Variants in TFAP2B observed in about 807,000 individuals in gnomAD.
TFAP2B encodes the protein transcription factor AP-2 beta, also known as transcription factor AP-2-beta.
TFAP2B carries 9 observed loss-of-function variants against 44.3 expected under a neutral mutation model. The observed-to-expected ratio is 0.20, with a 90% confidence interval of 0.12 to 0.35. The LOEUF is 0.35. Ranked by LOEUF, TFAP2B falls within the 10% of genes least tolerant of loss-of-function variation. TFAP2B has a pLI of 1.00. For missense variants in TFAP2B, 509 were observed against 600.0 expected (o/e 0.85, Z 1.59); for synonymous variants, 270 against 263.8 (o/e 1.02, Z -0.23).
At chr6:50,818,816 TC>T, upstream of TFAP2B, 1 of 1,362,986 alleles carries the variant, frequency 7.3e-7, no homozygotes. Flanking sequence ...TTGGTGTGTA[TC>T]CCCCATTTCC....
chr6:50,835,477 G>T (rs1284136683), intron 3 of TFAP2B, among the ~76,000 whole-genome samples: 1 of 152,156 alleles, frequency 6.6e-6, no homozygotes, highest in East Asian at 1.9e-4. Flanking sequence ...CAGCTCAATG[G>T]TATTATTTGT....
intron 1 of TFAP2B, among the ~76,000 whole-genome samples, chr6:50,820,579 G>A (rs1359648739): frequency 6.6e-6 from 1 of 152,260 alleles, no homozygotes; most frequent in African/African-American, 2.4e-5. Flanking sequence ...TGTATCGACT[G>A]TAACGAAGAG....
At chr6:50,835,833 G>A (rs987566206) in intron 3 of TFAP2B, among the ~76,000 whole-genome samples, 1 of 152,200 alleles carries the variant, frequency 6.6e-6, no homozygotes, top group Non-Finnish European at 1.5e-5. Flanking sequence ...TGTAGCAAAT[G>A]ACACTCATAT....
At chr6:50,822,751 C>A (rs979921893) in intron 1 of TFAP2B, among the ~76,000 whole-genome samples, 1 of 152,182 alleles carries the variant, frequency 6.6e-6, no homozygotes, top group African/African-American at 2.4e-5. Context: ...AGATCCATTT[C>A]AATGAAACAC....
At position 50,818,965 on chromosome 6, in the gene TFAP2B, T is replaced by C; in HGVS notation, c.74T>C (p.Ile25Thr). Residue 25 changes from isoleucine to threonine, a missense_variant, in exon 1 of 7, where the codon ATC (isoleucine) becomes ACC (threonine). This residue lies in a region of TFAP2B where 296 missense variants were observed against 308.2 expected (regional missense o/e 0.96). Transcript: ENST00000393655. The part of the protein sequence containing the change: ...KLVENVKYED[I>T]YEDRHDGVPS... ...GTGGAGAATGTCAAGTACGAAGATATCTATGAGGTGAGTCGACACCCCCAG... is the reference window on the plus strand; with the variant it reads ...GTGGAGAATGTCAAGTACGAAGATACCTATGAGGTGAGTCGACACCCCCAG... The C allele has an allele frequency of 1.2e-6, 2 of 1,614,084 alleles. No individual in the cohort carries two copies. Among genetic ancestry groups the C allele is most frequent in the East Asian group, 2.2e-5 (1 of 44,876 alleles).
At chr6:50,822,984 G>GA (rs1439234465) in intron 1 of TFAP2B, among the ~76,000 whole-genome samples, 2 of 152,238 alleles carry the variant, frequency 1.3e-5, no homozygotes, top group African/African-American at 2.4e-5. Flanking sequence ...GGAAGAGTTA[G>GA]AAAAAAGTAG....
intron 2 of TFAP2B, 152 bp downstream of exon 2, chr6:50,824,017 T>G: frequency 2.3e-6 from 2 of 873,230 alleles, no homozygotes; most frequent in South Asian, 3.0e-5. Flanking sequence ...TAGAACTGTT[T>G]ATGTGTGTCT....
chr6:50,822,288 T>G, intron 1 of TFAP2B: 6 of 804,458 alleles, frequency 7.5e-6, no homozygotes, highest in Non-Finnish European at 1.1e-5. Context: ...TGAGCGCCTT[T>G]GGCTTGGTAA....
chr6:50,828,514 A>T (rs937974913), intron 2 of TFAP2B, 105 bp from the exon 3 acceptor site: 2 of 939,572 alleles, frequency 2.1e-6, no homozygotes, highest in African/African-American at 3.3e-5. Flanking sequence ...TTTGTGAATT[A>T]ATATAAATGG....
chr6:50,827,946 T>C (rs190139088), intron 2 of TFAP2B, among the ~76,000 whole-genome samples: 129 of 152,338 alleles, frequency 8.5e-4, no homozygotes, highest in African/African-American at 3.0e-3. Flanking sequence ...TCTGCTTGTC[T>C]GTAGTTACTG....
intron 2 of TFAP2B, among the ~76,000 whole-genome samples, chr6:50,825,489 T>G (rs1399849276): frequency 6.6e-6 from 1 of 152,118 alleles, no homozygotes; most frequent in African/African-American, 2.4e-5. Flanking sequence ...ACTCAGAAAT[T>G]TTTCCCCCAA....
At chr6:50,833,789 C>G (rs1762564599) in intron 3 of TFAP2B, among the ~76,000 whole-genome samples, 2 of 152,036 alleles carry the variant, frequency 1.3e-5, no homozygotes, top group Admixed American at 1.3e-4. Flanking sequence ...CAGGGAGAAG[C>G]AGGTAAGATT....
Position 50,846,606 on chromosome 6 carries a change from A to T in TFAP2B, c.*3214A>T, listed in dbSNP as rs1348708025. ...ACTTTCCACTTCGCAAGTTCTTTTA[A>T]AGGTTCCAAAGATCTCCAGACCATT... On this transcript the variant is annotated 3_prime_UTR_variant, in exon 7 of 7. Coordinates refer to ENST00000393655, the MANE Select transcript of TFAP2B (RefSeq NM_003221.4). The T allele has an allele frequency of 6.6e-6, 1 of 152,154 alleles. No individual in the cohort carries two copies. Among genetic ancestry groups the T allele is most frequent in the East Asian group, 1.9e-4 (1 of 5,178 alleles). 9.4% of individuals were successfully genotyped at this position (152,154 alleles called of 1,614,324 possible).
chr6:50,828,729 C>T lies in TFAP2B; in HGVS notation c.601+50C>T, dbSNP rs764440459. ...TAAGCAAAGTTCTCTCATGCATTAA[C>T]GTCTTTATGATGAATTTTCACTTTG... On this transcript the variant is annotated intron_variant, in intron 3 of 6. Coordinates refer to ENST00000393655, the MANE Select transcript of TFAP2B (RefSeq NM_003221.4). 53 of 1,587,526 alleles carry T rather than the reference C, an allele frequency of 3.3e-5. 1 individual carries two copies. Among genetic ancestry groups the T allele is most frequent in the South Asian group, 4.4e-5 (4 of 90,474 alleles).
chr6:50,824,667 G>A (rs985299469), intron 2 of TFAP2B, among the ~76,000 whole-genome samples: 3 of 152,088 alleles, frequency 2.0e-5, no homozygotes, highest in Admixed American at 1.3e-4. Context: ...CATCATCCCA[G>A]TTGAGAGGCA....
intron 2 of TFAP2B, among the ~76,000 whole-genome samples, chr6:50,825,001 G>T (rs1051371225): frequency 6.6e-6 from 1 of 152,182 alleles, no homozygotes; most frequent in South Asian, 2.1e-4. Context: ...ATGGGAAAGA[G>T]AAGAGGGTGC....
At chr6:50,825,483 A>G (rs2817386) in intron 2 of TFAP2B, among the ~76,000 whole-genome samples, 1,551 of 152,314 alleles carry the variant, frequency 0.01, 30 homozygotes, top group African/African-American at 0.035. Context: ...GAAGGAACTC[A>G]GAAATTTTTC....
chr6:50,820,395 C>G (rs962272052), intron 1 of TFAP2B, among the ~76,000 whole-genome samples: 5 of 152,342 alleles, frequency 3.3e-5, no homozygotes, highest in South Asian at 2.1e-4. Flanking sequence ...CCTCCTGCCC[C>G]CCCCCGAATC....
chr6:50,837,111 C>T (rs539340463), intron 4 of TFAP2B, among the ~76,000 whole-genome samples: 162 of 152,334 alleles, frequency 1.1e-3, no homozygotes, highest in Non-Finnish European at 2.1e-3. Context: ...TGGGGGTTGA[C>T]AGTCCTTTTC....
Sources: allele counts gnomAD v4.1 joint callset (sites outside exome capture counted in the v4.1 genomes callset), GRCh38; gene constraint gnomAD v4.1.1; regional missense constraint gnomAD v4.1.1; transcripts MANE v1.5; gene names NCBI Gene and HGNC (gene_info 2026-07-23, HGNC 2026-07-21).